CNTNAP2: variants seen among roughly 807,000 people sequenced by gnomAD.
CNTNAP2 encodes the protein contactin-associated protein-like 2.
CNTNAP2 carries 98 observed loss-of-function variants against 155.2 expected under a neutral mutation model. That is an observed-to-expected ratio of 0.63 (90% CI 0.54 to 0.75). CNTNAP2 has a LOEUF of 0.75. Among genes scored for constraint, CNTNAP2 ranks in the 30% least tolerant of loss-of-function variants. CNTNAP2 has a pLI of 0.00. For synonymous variants in CNTNAP2, 651 were observed against 631.2 expected (o/e 1.03, Z -0.47); for missense variants, 1,727 against 1,688.1 (o/e 1.02, Z -0.40).
At chr7:147,504,340 C>T (rs1485929203) in intron 11 of CNTNAP2, among the ~76,000 whole-genome samples, 4 of 152,070 alleles carry the variant, frequency 2.6e-5, no homozygotes, top group African/African-American at 9.7e-5. Context: ...CCCAAGGGGT[C>T]TTGGCAATCA....
chr7:146,921,640 G>C (rs962368424), intron 3 of CNTNAP2, among the ~76,000 whole-genome samples: 1 of 152,016 alleles, frequency 6.6e-6, no homozygotes. Flanking sequence ...TCACTACTAC[G>C]AGAACAGTAT....
intron 1 of CNTNAP2, among the ~76,000 whole-genome samples, chr7:146,229,522 C>G (rs1799349407): frequency 6.6e-6 from 1 of 152,096 alleles, no homozygotes; most frequent in South Asian, 2.1e-4. Context: ...AGTGATGTAG[C>G]CTAGGTTACA....
chr7:147,828,196 C>G (rs768685709), intron 13 of CNTNAP2, among the ~76,000 whole-genome samples: 1 of 152,154 alleles, frequency 6.6e-6, no homozygotes, highest in Admixed American at 6.5e-5. Context: ...GCTTTGTTCA[C>G]TGCTACTTAC....
intron 1 of CNTNAP2, among the ~76,000 whole-genome samples, chr7:146,559,870 A>G (rs779309166): frequency 2.2e-4 from 33 of 152,120 alleles, no homozygotes; most frequent in Admixed American, 3.3e-4. Flanking sequence ...TGACACAATT[A>G]CATTAAATAC....
intron 9 of CNTNAP2, among the ~76,000 whole-genome samples, chr7:147,310,968 A>G (rs1232229989): frequency 2.0e-5 from 3 of 152,198 alleles, no homozygotes; most frequent in African/African-American, 7.2e-5. Flanking sequence ...AACCAAAGCC[A>G]CCTAACCAGA....
intron 15 of CNTNAP2, among the ~76,000 whole-genome samples, chr7:147,998,035 G>C (rs1003635670): frequency 1.3e-5 from 2 of 151,916 alleles, no homozygotes; most frequent in African/African-American, 4.8e-5. Context: ...GCGAATGCTG[G>C]GGCTTATTGT....
Position 147,428,320 on chromosome 7 carries a change from C to CT in CNTNAP2, c.1670+32548dup, listed in dbSNP as rs530113946. Among the ~76,000 whole-genome samples the CT allele has an allele frequency of 8.6e-5, 13 of 151,862 alleles. No individual in the cohort carries two copies. In the East Asian group the frequency reaches 1.7e-3, roughly 20 times the overall value. ...ACTTTGCCCTTACTAACTTTGCAGCCTTTTTTTTCAGTTAGTAATAAAACT... is the reference window on the plus strand; with the variant it reads ...ACTTTGCCCTTACTAACTTTGCAGCCTTTTTTTTTCAGTTAGTAATAAAACT... On this transcript the variant is annotated intron_variant, in intron 10 of 23. Transcript: ENST00000361727.
chr7:147,444,667 G>C (rs1298942269), intron 10 of CNTNAP2, among the ~76,000 whole-genome samples: 3 of 151,674 alleles, frequency 2.0e-5, no homozygotes, highest in Non-Finnish European at 4.4e-5. Context: ...CAATAAATAT[G>C]TTCCAAAAAA....
intron 9 of CNTNAP2, among the ~76,000 whole-genome samples, chr7:147,301,287 A>G (rs139432881): frequency 4.0e-3 from 611 of 152,340 alleles, no homozygotes; most frequent in Middle Eastern, 0.01. Flanking sequence ...ACATTTTCTA[A>G]TTGAAAAAAT....
rs560171520 is a variant in CNTNAP2, at chr7:147,788,358, C to T, written c.2099-115207C>T. On this transcript the variant is annotated intron_variant, in intron 13 of 23. Transcript: ENST00000361727. ...TACCTTCTGAGAAATTAGACAATTG[C>T]AATATGACCTTTTCAGGCATAGTGG... is the stretch of plus-strand genomic sequence containing the variant. Among the ~76,000 whole-genome samples the T allele has an allele frequency of 2.6e-5, 4 of 152,270 alleles. 1 individual carries two copies. The highest frequency in any genetic ancestry group is 9.6e-5 in the African/African-American group (4 of 41,548).
chr7:147,292,851 C>T (rs534462753), intron 8 of CNTNAP2, among the ~76,000 whole-genome samples: 2 of 152,284 alleles, frequency 1.3e-5, no homozygotes, highest in African/African-American at 2.4e-5. Flanking sequence ...TTCACTGCAA[C>T]CTCTGCCTCC....
At chr7:146,915,740 T>C (rs1293279512) in intron 3 of CNTNAP2, 2 of 152,142 alleles carry the variant, frequency 1.3e-5, no homozygotes, top group African/African-American at 4.8e-5. Flanking sequence ...TTTAGGGTTT[T>C]CTAGGTATAG....
At chr7:148,374,212 T>C (rs1798941100) in intron 21 of CNTNAP2, among the ~76,000 whole-genome samples, 1 of 152,102 alleles carries the variant, frequency 6.6e-6, no homozygotes, top group African/African-American at 2.4e-5. Flanking sequence ...TTTTCTTCTC[T>C]TGGGTAAGAT....
chr7:147,369,645 G>A (rs1584905178), intron 9 of CNTNAP2, among the ~76,000 whole-genome samples: 1 of 152,296 alleles, frequency 6.6e-6, no homozygotes, highest in East Asian at 1.9e-4. Flanking sequence ...TAGCACAGAA[G>A]CAGTCGTAGA....
chr7:147,694,236 A>G (rs961033994), intron 13 of CNTNAP2, among the ~76,000 whole-genome samples: 5 of 152,018 alleles, frequency 3.3e-5, no homozygotes, highest in African/African-American at 1.2e-4. Flanking sequence ...TTCTTTCTAT[A>G]CATTGCTGGA....
intron 1 of CNTNAP2, among the ~76,000 whole-genome samples, chr7:146,220,404 A>G (rs548159366): frequency 6.6e-6 from 1 of 152,274 alleles, no homozygotes; most frequent in African/African-American, 2.4e-5. Context: ...TTACAGTATG[A>G]TAGTTGCAGG....
intron 3 of CNTNAP2, among the ~76,000 whole-genome samples, chr7:146,841,471 C>G (rs114977856): frequency 6.6e-6 from 1 of 152,230 alleles, no homozygotes; most frequent in African/African-American, 2.4e-5. Flanking sequence ...ACAGACCCTT[C>G]TAACACCCAG....
chr7:146,513,609 C>A (rs1212225985), intron 1 of CNTNAP2, among the ~76,000 whole-genome samples: 5 of 151,810 alleles, frequency 3.3e-5, no homozygotes, highest in Non-Finnish European at 7.4e-5. Context: ...GCATATTGAC[C>A]TTTTTGTTGT....
chr7:146,949,057 C>T (rs973652786), intron 3 of CNTNAP2, among the ~76,000 whole-genome samples: 6 of 152,154 alleles, frequency 3.9e-5, no homozygotes, highest in African/African-American at 1.4e-4. Context: ...GAAGACACTG[C>T]AAGAGCTCCT....
Sources: gnomAD v4.1 joint callset for allele counts (sites outside exome capture counted in the v4.1 genomes callset) on GRCh38, gnomAD v4.1.1 for gene constraint, MANE v1.5 for transcripts, NCBI Gene and HGNC (gene_info 2026-07-23, HGNC 2026-07-21) for gene names.